The following TAX1BP1 variants were observed in gnomAD, a reference collection of about 807,000 sequenced individuals.
TAX1BP1 encodes tax1-binding protein 1.
Under a neutral mutation model 97.7 loss-of-function variants are expected in TAX1BP1, and 62 were observed. That is an observed-to-expected ratio of 0.63 (90% CI 0.52 to 0.78). The LOEUF (loss-of-function observed/expected upper bound fraction) is 0.78, where lower values mean the gene tolerates loss of function less well. Ranked by LOEUF, TAX1BP1 falls within the 30% of genes least tolerant of loss-of-function variation. The probability of loss-of-function intolerance (pLI) is 0.00; values close to 1 mark genes in which losing one functional copy is unlikely to be tolerated. For synonymous variants in TAX1BP1, 340 were observed against 304.2 expected, an observed-to-expected ratio of 1.12 and a Z score of -1.23; for missense variants, 867 against 916.1, an observed-to-expected ratio of 0.95 and a Z score of 0.69.
At chr7:27,791,373 A>T (rs1188359341) in intron 8 of TAX1BP1, among the ~76,000 whole-genome samples, 1 of 152,190 alleles carries the variant, frequency 6.6e-6, no homozygotes. Flanking sequence ...ATATTAAAGG[A>T]AATAATTTCA....
At chr7:27,746,800 A>G (rs554051180) in intron 1 of TAX1BP1, among the ~76,000 whole-genome samples, 48 of 152,330 alleles carry the variant, frequency 3.2e-4, no homozygotes, top group African/African-American at 1.1e-3. Flanking sequence ...TTCCAGGTTC[A>G]TGATTGACAG....
Position 27,748,432 on chromosome 7 carries a change from A to T in TAX1BP1, c.-7-86A>T, listed in dbSNP as rs979390154. ...ATTATGACATGCAAATATTCATGAA[A>T]CTTATATTAAATATTATGTATTTTC... On this transcript the variant is annotated intron_variant, in intron 1 of 16. Coordinates refer to ENST00000396319, the MANE Select transcript of TAX1BP1 (RefSeq NM_006024.7). The T allele has an allele frequency of 5.4e-6, 5 of 933,782 alleles. No individual in the cohort carries two copies. In the East Asian group the frequency reaches 9.3e-5, roughly 17 times the overall value. 57.8% of individuals were successfully genotyped at this position (933,782 alleles called of 1,614,324 possible).
At chr7:27,748,111 A>T (rs1787893015) in intron 1 of TAX1BP1, among the ~76,000 whole-genome samples, 1 of 152,180 alleles carries the variant, frequency 6.6e-6, no homozygotes, top group African/African-American at 2.4e-5. Context: ...CCAGTAAAAT[A>T]CTGACTTTTA....
chr7:27,768,042 A>C (rs985426900), intron 4 of TAX1BP1, among the ~76,000 whole-genome samples: 1 of 151,266 alleles, frequency 6.6e-6, no homozygotes, highest in South Asian at 2.1e-4. Flanking sequence ...TCCTAGATTT[A>C]AAAAAAAACT....
intron 5 of TAX1BP1, among the ~76,000 whole-genome samples, chr7:27,776,283 T>A (rs1366148331): frequency 1.3e-5 from 2 of 152,182 alleles, no homozygotes; most frequent in Middle Eastern, 3.2e-3. Flanking sequence ...CTGTCTGGTA[T>A]AATTTTCCTT....
At chr7:27,783,504 G>GA (rs1789344132) in intron 5 of TAX1BP1, among the ~76,000 whole-genome samples, 1 of 152,200 alleles carries the variant, frequency 6.6e-6, no homozygotes, top group Non-Finnish European at 1.5e-5. Flanking sequence ...GGGCACCAGA[G>GA]AAAGTCTAAG....
chr7:27,761,925 A>G (rs992212424), intron 3 of TAX1BP1, among the ~76,000 whole-genome samples: 1 of 152,164 alleles, frequency 6.6e-6, no homozygotes, highest in East Asian at 1.9e-4. Flanking sequence ...GGCTTGTACC[A>G]TTTTATATTC....
In TAX1BP1 at chr7:27,740,169, G is replaced by A. The variant is rs1370940597; in HGVS notation, c.-108G>A. The A allele has an allele frequency of 6.6e-6, 1 of 152,498 alleles. No individual in the cohort carries two copies. Among genetic ancestry groups the A allele is most frequent in the African/African-American group, 2.4e-5 (1 of 41,454 alleles). The allele number at this position is 152,498 out of a possible 1,614,324, so 9.4% of individuals were successfully genotyped here. A position where few individuals can be genotyped will look rare whatever the true frequency, so the allele number is the denominator to read the frequency against. On this transcript the variant is annotated 5_prime_UTR_variant, in exon 1 of 17. Transcript: ENST00000396319. ...GGGAGGGGAGGTGTAGCCGGTCTTT[G>A]GGGGTAGGCGGTAGTGGCGGAAGAG...
chr7:27,790,793 T>C (rs1789676386), intron 8 of TAX1BP1, among the ~76,000 whole-genome samples: 2 of 152,132 alleles, frequency 1.3e-5, no homozygotes, highest in Admixed American at 6.5e-5. Flanking sequence ...TTACAGTTTA[T>C]ATAAGCCCAC....
At chr7:27,757,856 T>C (rs1198439908) in intron 2 of TAX1BP1, among the ~76,000 whole-genome samples, 175 bp from the exon 3 acceptor site, 2 of 152,180 alleles carry the variant, frequency 1.3e-5, no homozygotes, top group Non-Finnish European at 2.9e-5. Flanking sequence ...TTTTATAGCA[T>C]TAGGCTGTAG....
intron 15 of TAX1BP1, among the ~76,000 whole-genome samples, chr7:27,824,485 TC>T (rs1791094733): frequency 7.1e-6 from 1 of 140,344 alleles, no homozygotes; most frequent in South Asian, 2.2e-4. Context: ...GTCCAGGAGG[TC>T]ATGGCTGCAG....
chr7:27,813,774 A>G (rs1177382941), intron 13 of TAX1BP1, among the ~76,000 whole-genome samples: 1 of 152,246 alleles, frequency 6.6e-6, no homozygotes, highest in Non-Finnish European at 1.5e-5. Context: ...GGCTTGTCCA[A>G]TCTGATTCAA....
chr7:27,825,373 A>C (rs763322217), intron 15 of TAX1BP1, among the ~76,000 whole-genome samples: 2 of 152,116 alleles, frequency 1.3e-5, no homozygotes, highest in Non-Finnish European at 2.9e-5. Flanking sequence ...TCTCGAGTGA[A>C]GATTTCACTC....
At chr7:27,768,307 G>A (rs956421128) in intron 4 of TAX1BP1, among the ~76,000 whole-genome samples, 3 of 151,956 alleles carry the variant, frequency 2.0e-5, no homozygotes, top group Non-Finnish European at 2.9e-5. Flanking sequence ...GGTGATGGAT[G>A]TTTGGATGAT....
At chr7:27,787,903 C>T (rs940983798) in intron 8 of TAX1BP1, among the ~76,000 whole-genome samples, 1 of 151,996 alleles carries the variant, frequency 6.6e-6, no homozygotes, top group Non-Finnish European at 1.5e-5. Context: ...TTCTTCATAG[C>T]CATGACACCG....
chr7:27,796,030 A>G (rs1789919730), intron 11 of TAX1BP1, 86 bp from the exon 12 acceptor site: 6 of 945,834 alleles, frequency 6.3e-6, no homozygotes, highest in South Asian at 6.1e-5. Context: ...ATTTTACAGT[A>G]TACTGACCTT....
At chr7:27,777,974 T>C (rs1218084543) in intron 5 of TAX1BP1, among the ~76,000 whole-genome samples, 1 of 152,208 alleles carries the variant, frequency 6.6e-6, no homozygotes, top group African/African-American at 2.4e-5. Context: ...TGCATCTAAT[T>C]GTGTGTTTTA....
intron 3 of TAX1BP1, among the ~76,000 whole-genome samples, chr7:27,759,083 AAAGTGAATTCTT>A (rs1337199892): frequency 6.6e-6 from 1 of 152,130 alleles, no homozygotes; most frequent in Non-Finnish European, 1.5e-5. Context: ...GGATTGTATT[AAAGTGAATTCTT>A]ACCCTTGTAT....
At chr7:27,818,963 A>G (rs1790876967) in intron 15 of TAX1BP1, among the ~76,000 whole-genome samples, 1 of 152,220 alleles carries the variant, frequency 6.6e-6, no homozygotes, top group Non-Finnish European at 1.5e-5. Flanking sequence ...ACTAAACCAG[A>G]GGTTTTCATA....
Sources: allele counts gnomAD v4.1 joint callset (sites outside exome capture counted in the v4.1 genomes callset), GRCh38; gene constraint gnomAD v4.1.1; transcripts MANE v1.5; gene names NCBI Gene and HGNC (gene_info 2026-07-23, HGNC 2026-07-21).